The following RANBP2 variants were observed in gnomAD, a reference collection of about 807,000 sequenced individuals.
RANBP2 encodes the protein RAN binding protein 2.
RANBP2 carries 57 observed loss-of-function variants against 303.6 expected under a neutral mutation model. The observed-to-expected ratio is 0.19, with a 90% CI of 0.15 to 0.23. The LOEUF is 0.23. Ranked by LOEUF, RANBP2 falls within the 10% of genes least tolerant of loss-of-function variation. The pLI is 1.00. For synonymous variants in RANBP2, 1,167 were observed against 1,301.5 expected, an observed-to-expected ratio of 0.90 and a Z score of 2.23; for missense variants, 3,138 against 3,780.8, an observed-to-expected ratio of 0.83 and a Z score of 4.46.
At chr2:108,975,610 G>A in the RANBP2 span, among the ~76,000 whole-genome samples, 3 of 152,304 alleles carry the variant, frequency 2.0e-5, no homozygotes, top group Admixed American at 6.5e-5. Context: ...GCTTTGGGGA[G>A]GCAGCCAGCA....
At chr2:109,359,446 T>C in the RANBP2 span, among the ~76,000 whole-genome samples, 1 of 152,248 alleles carries the variant, frequency 6.6e-6, no homozygotes, top group Admixed American at 6.5e-5. Context: ...ATTTCTTTCA[T>C]CTGAGATTTT....
At chr2:109,545,906 G>GTC in the RANBP2 span, 1 of 1,444,098 alleles carries the variant, frequency 6.9e-7, no homozygotes, top group Non-Finnish European at 9.2e-7. Flanking sequence ...GAGGGACAAG[G>GTC]TCTCTCCTCT....
the RANBP2 span, among the ~76,000 whole-genome samples, chr2:109,679,142 A>G: frequency 9.2e-5 from 14 of 152,228 alleles, no homozygotes; most frequent in African/African-American, 3.4e-4. Context: ...GGACCACACT[A>G]AACAGCAAAA....
chr2:109,693,682 C>A, the RANBP2 span, among the ~76,000 whole-genome samples: 1 of 152,204 alleles, frequency 6.6e-6, no homozygotes, highest in Non-Finnish European at 1.5e-5. Context: ...TTCATTAAAC[C>A]TCTTTTGGTT....
chr2:109,050,855 C>T, the RANBP2 span, among the ~76,000 whole-genome samples: 2 of 152,046 alleles, frequency 1.3e-5, no homozygotes, highest in East Asian at 3.9e-4. Flanking sequence ...AAAAGGGGAC[C>T]ACGTATAGTG....
chr2:108,796,610 T>G, the RANBP2 span, among the ~76,000 whole-genome samples: 1 of 152,216 alleles, frequency 6.6e-6, no homozygotes, highest in Non-Finnish European at 1.5e-5. Context: ...GAAAATGTGG[T>G]ATCTATACAC....
chr2:109,598,250 T>TA, the RANBP2 span, among the ~76,000 whole-genome samples: 1 of 151,938 alleles, frequency 6.6e-6, no homozygotes, highest in African/African-American at 2.4e-5. Context: ...GTATTTTTAT[T>TA]AGAGACAGGG....
At chr2:109,026,297 C>CTTT in the RANBP2 span, among the ~76,000 whole-genome samples, 12 of 93,424 alleles carry the variant, frequency 1.3e-4, no homozygotes, top group African/African-American at 3.7e-4. Flanking sequence ...CCATGCCTAG[C>CTTT]TTTTTTTTTT....
chr2:108,880,010 T>C, the RANBP2 span, among the ~76,000 whole-genome samples: 11 of 152,272 alleles, frequency 7.2e-5, no homozygotes, highest in African/African-American at 2.4e-4. Flanking sequence ...AGCATGTGGT[T>C]GAGCTGGTGG....
At chr2:108,997,301 T>A in the RANBP2 span, among the ~76,000 whole-genome samples, 2 of 151,446 alleles carry the variant, frequency 1.3e-5, no homozygotes, top group African/African-American at 4.8e-5. Flanking sequence ...ATTAGCCAGA[T>A]GTGGCGGCGT....
At chr2:109,404,697 C>A in the RANBP2 span, among the ~76,000 whole-genome samples, 2 of 152,082 alleles carry the variant, frequency 1.3e-5, no homozygotes, top group South Asian at 4.1e-4. Flanking sequence ...AGCACCTTTG[C>A]GGAAGGCCCA....
chr2:109,509,247 G>T, the RANBP2 span, among the ~76,000 whole-genome samples: 1 of 152,324 alleles, frequency 6.6e-6, no homozygotes, highest in East Asian at 1.9e-4. Context: ...GCCTGGTGGG[G>T]CCCAGCCGCC....
At position 108,782,821 on chromosome 2, in the gene RANBP2, A is replaced by T. The variant is rs1448190303; in HGVS notation, c.9328A>T (p.Asn3110Tyr). Residue 3110 changes from asparagine (N) to tyrosine (Y), a missense_variant, in exon 28 of 29, where the codon AAT becomes TAT. This residue lies in a region of RANBP2 where 204 missense variants were observed against 228.4 expected (regional missense o/e 0.89). Coordinates refer to ENST00000283195, the MANE Select transcript of RANBP2 (RefSeq NM_006267.5). The stretch of plus-strand genomic sequence containing the variant: ...TGGAGAGAAAGGCTTTGGTTTCAAG[A>T]ATTCCATTTTTCACAGAGTAATTCC... The part of the protein sequence containing the change: ...CTGEKGFGFK[N>Y]SIFHRVIPDF... The T allele has an allele frequency of 6.2e-7, 1 of 1,613,994 alleles. No individual in the cohort carries two copies. The highest frequency in any genetic ancestry group is 8.5e-7 in the Non-Finnish European group (1 of 1,180,034).
the RANBP2 span, among the ~76,000 whole-genome samples, chr2:109,148,356 T>A: frequency 6.6e-6 from 1 of 152,246 alleles, no homozygotes; most frequent in Non-Finnish European, 1.5e-5. Context: ...TGGTTCTTCA[T>A]GTCACTATGG....
the RANBP2 span, among the ~76,000 whole-genome samples, chr2:109,036,881 C>A: frequency 6.6e-6 from 1 of 152,132 alleles, no homozygotes; most frequent in Non-Finnish European, 1.5e-5. Context: ...AGGTGGCTCA[C>A]ACTTGTAATC....
chr2:109,597,800 C>T, the RANBP2 span, among the ~76,000 whole-genome samples: 4 of 152,172 alleles, frequency 2.6e-5, no homozygotes, highest in Non-Finnish European at 5.9e-5. Flanking sequence ...AAGTCTGGTG[C>T]TGCACCTTTT....
the RANBP2 span, among the ~76,000 whole-genome samples, chr2:109,177,011 T>A: frequency 2.6e-5 from 4 of 152,110 alleles, no homozygotes; most frequent in Admixed American, 2.6e-4. Flanking sequence ...GTGAGCAGGC[T>A]TTTCCCCAGC....
chr2:109,448,839 A>G, the RANBP2 span, among the ~76,000 whole-genome samples: 1 of 152,164 alleles, frequency 6.6e-6, no homozygotes, highest in Admixed American at 6.5e-5. Context: ...ATGGTTGGGG[A>G]CCGCTGAGTT....
chr2:108,988,768 A>G, the RANBP2 span, among the ~76,000 whole-genome samples: 2 of 152,226 alleles, frequency 1.3e-5, no homozygotes, highest in African/African-American at 4.8e-5. Flanking sequence ...ATGTTTTTCT[A>G]AAACAAAGGA....
Sources: allele counts gnomAD v4.1 joint callset (sites outside exome capture counted in the v4.1 genomes callset), GRCh38; gene constraint gnomAD v4.1.1; regional missense constraint gnomAD v4.1.1; transcripts MANE v1.5; gene names NCBI Gene and HGNC (gene_info 2026-07-23, HGNC 2026-07-21).